ERCC5: variants seen among roughly 807,000 people sequenced by gnomAD.
ERCC5 encodes DNA excision repair protein ERCC-5.
A neutral mutation model predicts 105.6 loss-of-function variants in ERCC5; 68 were observed. The observed-to-expected ratio is 0.64, with a 90% CI of 0.53 to 0.79. The LOEUF (loss-of-function observed/expected upper bound fraction) is 0.79. Ranked by LOEUF, ERCC5 falls within the 30% of genes least tolerant of loss-of-function variation. ERCC5 has a pLI of 0.00. For missense variants in ERCC5, 1,373 were observed against 1,426.7 expected (o/e 0.96, Z 0.61); for synonymous variants, 546 against 526.2 (o/e 1.04, Z -0.51).
At chr13:102,854,987 T>G (rs1022479635) in intron 4 of ERCC5, among the ~76,000 whole-genome samples, 1 of 152,236 alleles carries the variant, frequency 6.6e-6, no homozygotes, top group Non-Finnish European at 1.5e-5. Context: ...CCTCCACCTC[T>G]TCCTTTCCCA....
At chr13:102,863,166 A>C (rs888766785) in intron 8 of ERCC5, 63 bp downstream of exon 8, 6 of 1,566,376 alleles carry the variant, frequency 3.8e-6, no homozygotes, top group Non-Finnish European at 4.3e-6. Flanking sequence ...AGGAATTCAG[A>C]GATCGGTTAG....
At chr13:102,849,856 T>C (rs9585999) in intron 1 of ERCC5, among the ~76,000 whole-genome samples, 159 of 152,224 alleles carry the variant, frequency 1.0e-3, no homozygotes, top group African/African-American at 3.7e-3. Context: ...AATAACGTGA[T>C]AGGTGGCCCC....
At chr13:102,860,015 C>T (rs1882563446) in intron 6 of ERCC5, among the ~76,000 whole-genome samples, 1 of 152,202 alleles carries the variant, frequency 6.6e-6, no homozygotes, top group African/African-American at 2.4e-5. Context: ...CGTGAATCCT[C>T]CCTTTGTCTA....
Position 102,875,915 on chromosome 13 carries a change from G to A in ERCC5, c.*12G>A, listed in dbSNP as rs2046845073. On this transcript the variant is annotated 3_prime_UTR_variant, in exon 15 of 15. Transcript: ENST00000652225. ...AAAGGAAAACCTAATTAAAAAATAT[G>A]TATCCTCTATAATTAGTTATGACAG... 1 of 1,601,102 alleles carries A rather than the reference G, an allele frequency of 6.2e-7. No individual in the cohort carries two copies. The highest frequency in any genetic ancestry group is 1.3e-5 in the African/African-American group (1 of 74,798).
Position 102,865,950 on chromosome 13 carries a change from A to G in ERCC5, c.2199+39A>G. 6.2e-7 allele frequency: 1 copy of G among 1,613,586 alleles called. No individual in the cohort carries two copies. On this transcript the variant is annotated intron_variant, in intron 9 of 14. Coordinates refer to ENST00000652225, the MANE Select transcript of ERCC5 (RefSeq NM_000123.4). This position sits in a 1 kb window ranked among gnomAD's most constrained non-coding sequence, Gnocchi z 4.0. ...ATTGTGTTTCGACTTCTTGCTGAGG[A>G]AGCCAGGTTAAGTAGGTTTTGAGTT...
Position 102,856,214 on chromosome 13 carries a change from TAAAAA to T in ERCC5, c.528+103_528+107del, listed in dbSNP as rs1882412663. ...TATATCAAACTGTGAAAGTTCCTGA[TAAAAA>T]GTAAAGACAGATGGCTTTTTGGTTG... On this transcript the variant is annotated intron_variant, in intron 5 of 14. Coordinates refer to ENST00000652225, the MANE Select transcript of ERCC5 (RefSeq NM_000123.4). 1.1e-5 allele frequency: 14 copies of T among 1,265,418 alleles called. 1 individual carries two copies. In the South Asian group the frequency reaches 1.8e-4, roughly 16 times the overall value. The allele number at this position is 1,265,418 out of a possible 1,614,324, so 78.4% of individuals were successfully genotyped here. A position where few individuals can be genotyped will look rare whatever the true frequency, so the allele number is the denominator to read the frequency against.
At chr13:102,846,592 T>A (rs1011900545) in intron 1 of ERCC5, among the ~76,000 whole-genome samples, 1 of 152,232 alleles carries the variant, frequency 6.6e-6, no homozygotes, top group African/African-American at 2.4e-5. Context: ...AACTCCCTTA[T>A]ATAATGGCGT....
rs781365069 is a variant in ERCC5 at position 102,861,494 on chromosome 13, A to G, written c.673-13A>G. ...TATAAAACAGTAATTTTGTTTGTTT[A>G]TTTTGCCTTTAGGAGTCTGATGACT... On this transcript the variant is annotated splice_polypyrimidine_tract_variant and intron_variant, in intron 6 of 14. Transcript: ENST00000652225. The G allele has an allele frequency of 3.1e-6, 5 of 1,613,796 alleles. No individual in the cohort carries two copies. Among genetic ancestry groups the G allele is most frequent in the South Asian group, 2.2e-5 (2 of 91,054 alleles).
rs755540602 is a variant in ERCC5, at chr13:102,873,319, A to T, written c.2940A>T (p.Val980=). 5 of 1,614,014 alleles carry T rather than the reference A, an allele frequency of 3.1e-6. No individual in the cohort carries two copies. In the Admixed American group the frequency reaches 6.7e-5, roughly 22 times the overall value. ...AGACAGATGAATCTCTGTTTCCTGT[A>T]TTAAAGCAACTCGATGCCCAGCAGG... ...RTKTDESLFP[V]LKQLDAQQTQ... Residue 980 remains valine, a synonymous_variant, in exon 14 of 15, where the codon GTA becomes GTT. Coordinates refer to ENST00000652225, the MANE Select transcript of ERCC5 (RefSeq NM_000123.4).
At chr13:102,855,813 G>T (rs1442802052) in intron 4 of ERCC5, among the ~76,000 whole-genome samples, 1 of 152,126 alleles carries the variant, frequency 6.6e-6, no homozygotes, top group East Asian at 1.9e-4. Context: ...AATTGGGTGA[G>T]GTGACTCCCT....
At chr13:102,873,758 A>G (rs1261352925) in intron 14 of ERCC5, among the ~76,000 whole-genome samples, 1 of 152,236 alleles carries the variant, frequency 6.6e-6, no homozygotes, top group Admixed American at 6.5e-5. Context: ...GTAGAAGTTC[A>G]GTCATTATTG....
At position 102,868,141 on chromosome 13, in the gene ERCC5, G is replaced by T; in HGVS notation, c.2562G>T (p.Leu854Phe). ...TGGACCGGAATAAGTTAATAAATTT[G>T]GCTTATTTGCTTGGAAGTGATTATA... is the stretch of plus-strand genomic sequence containing the variant. ...LGLDRNKLIN[L>F]AYLLGSDYTE... Residue 854 changes from leucine (L) to phenylalanine (F), a missense_variant, in exon 12 of 15, where the codon TTG (leucine) becomes TTT (phenylalanine). Physicochemically the swap from Leu to Phe is conservative, Grantham distance 22. Around this residue, in one of 3 missense-constraint regions of ERCC5, gnomAD observed 1,004 missense variants for 1,059.7 expected, o/e 0.95. Coordinates refer to ENST00000652225, the MANE Select transcript of ERCC5 (RefSeq NM_000123.4). 1 of 1,614,028 alleles carries T rather than the reference G, an allele frequency of 6.2e-7. No homozygotes were observed.
intron 12 of ERCC5, among the ~76,000 whole-genome samples, chr13:102,868,962 T>G (rs1882940992): frequency 6.6e-6 from 1 of 152,248 alleles, no homozygotes; most frequent in African/African-American, 2.4e-5. Context: ...ACCACAGAGT[T>G]CACCGATTTA....
At chr13:102,856,360 C>T (rs1033811163) in intron 5 of ERCC5, among the ~76,000 whole-genome samples, 2 of 151,902 alleles carry the variant, frequency 1.3e-5, no homozygotes, top group Non-Finnish European at 2.9e-5. Context: ...AGCTATTTTT[C>T]TTTTACAACC....
At chr13:102,860,538 A>G (rs1186798220) in intron 6 of ERCC5, among the ~76,000 whole-genome samples, 3 of 152,202 alleles carry the variant, frequency 2.0e-5, no homozygotes, top group Admixed American at 1.3e-4. Context: ...ACATACCCCA[A>G]GGATGAGGGG....
chr13:102,875,519 C>A lies in ERCC5; in HGVS notation c.3177C>A (p.Gly1059=). The A allele has an allele frequency of 6.2e-7, 1 of 1,613,866 alleles. No homozygotes were observed. The highest frequency in any genetic ancestry group is 1.1e-5 in the South Asian group (1 of 91,066). Residue 1059 remains glycine (G), a synonymous_variant, in exon 15 of 15, where the codon GGC becomes GGA. Coordinates refer to ENST00000652225, the MANE Select transcript of ERCC5 (RefSeq NM_000123.4). ...DKAKGKTQKR[G]ITNTLEESSS... ...CAAAAGGAAAAACCCAGAAGAGAGG[C>A]ATAACAAATACCTTAGAAGAGTCAT...
intron 1 of ERCC5, among the ~76,000 whole-genome samples, chr13:102,850,217 C>T: frequency 6.6e-6 from 1 of 152,164 alleles, no homozygotes; most frequent in East Asian, 1.9e-4. Context: ...TGAGCTACCG[C>T]ACTCGGCCTC....
intron 11 of ERCC5, 77 bp from the exon 12 acceptor site, chr13:102,868,036 T>A (rs974034580): frequency 7.1e-7 from 1 of 1,409,970 alleles, no homozygotes; most frequent in Non-Finnish European, 9.8e-7. Context: ...CACACGTACA[T>A]GATTTATATA....
intron 13 of ERCC5, 136 bp from the exon 14 acceptor site, chr13:102,873,123 T>G: frequency 2.1e-6 from 2 of 947,272 alleles, no homozygotes; most frequent in Non-Finnish European, 3.2e-6. Context: ...TACTTTCTTT[T>G]AGCACTCTAA....
Sources: gnomAD v4.1 joint callset for allele counts (sites outside exome capture counted in the v4.1 genomes callset) on GRCh38, gnomAD v4.1.1 for gene constraint, gnomAD v4.1.1 regional missense constraint, Gnocchi (gnomAD v3.1) non-coding constraint, MANE v1.5 for transcripts, NCBI Gene and HGNC (gene_info 2026-07-23, HGNC 2026-07-21) for gene names.